The following THEMIS variants were observed in gnomAD, a reference collection of about 807,000 sequenced individuals.
THEMIS encodes thymocyte selection associated.
A neutral mutation model predicts 52.6 loss-of-function variants in THEMIS; 37 were observed. The observed-to-expected ratio is 0.70, with a 90% CI of 0.54 to 0.93. THEMIS has a LOEUF of 0.93. Ranked by LOEUF, THEMIS falls within the 40% of genes least tolerant of loss-of-function variation. The pLI, the probability that THEMIS is intolerant of heterozygous loss-of-function variation, is 0.00. For missense variants in THEMIS, 808 were observed against 763.1 expected (o/e 1.06, Z -0.69); for synonymous variants, 292 against 272.7 (o/e 1.07, Z -0.70).
intron 1 of THEMIS, among the ~76,000 whole-genome samples, chr6:127,907,996 C>T (rs1223530354): frequency 6.6e-6 from 1 of 151,964 alleles, no homozygotes; most frequent in Admixed American, 6.6e-5. Flanking sequence ...CTACTATACA[C>T]AACAATTTGT....
chr6:127,713,016 C>A (rs1260255802), intron 5 of THEMIS, among the ~76,000 whole-genome samples: 1 of 151,856 alleles, frequency 6.6e-6, no homozygotes, highest in African/African-American at 2.4e-5. Flanking sequence ...TGCCAGTCCC[C>A]TGAAATTGCT....
At chr6:127,777,759 A>G (rs1266940127) in intron 4 of THEMIS, among the ~76,000 whole-genome samples, 5 of 152,144 alleles carry the variant, frequency 3.3e-5, no homozygotes, top group Non-Finnish European at 7.4e-5. Flanking sequence ...TGATAAAAAG[A>G]GTGGTTATTT....
At chr6:127,752,618 C>T (rs1214055491) in intron 4 of THEMIS, among the ~76,000 whole-genome samples, 2 of 150,996 alleles carry the variant, frequency 1.3e-5, no homozygotes, top group African/African-American at 4.9e-5. Flanking sequence ...CTACCAAGAC[C>T]CAATCATGAA....
intron 4 of THEMIS, among the ~76,000 whole-genome samples, chr6:127,794,409 A>G (rs1777258757): frequency 6.6e-6 from 1 of 152,226 alleles, no homozygotes. Context: ...TCAAGGACCT[A>G]CACAATCTGC....
chr6:127,819,687 T>G (rs1039927684), intron 3 of THEMIS, among the ~76,000 whole-genome samples: 1 of 152,132 alleles, frequency 6.6e-6, no homozygotes, highest in East Asian at 1.9e-4. Context: ...TCCAGTGAAA[T>G]CATCCTTCAA....
intron 3 of THEMIS, among the ~76,000 whole-genome samples, chr6:127,825,791 T>G (rs1208331620): frequency 5.3e-5 from 8 of 151,770 alleles, no homozygotes; most frequent in African/African-American, 1.9e-4. Flanking sequence ...ATAGTTTGGG[T>G]TCTTTGAAAA....
intron 4 of THEMIS, among the ~76,000 whole-genome samples, chr6:127,780,574 C>G (rs1776709388): frequency 6.6e-6 from 1 of 152,122 alleles, no homozygotes; most frequent in African/African-American, 2.4e-5. Flanking sequence ...TTCAGGAATT[C>G]TTGTAAGGCA....
chr6:127,786,697 G>A (rs961374387), intron 4 of THEMIS, among the ~76,000 whole-genome samples: 1 of 152,122 alleles, frequency 6.6e-6, no homozygotes. Context: ...GGCAGGCTAA[G>A]GACTTCTGAA....
intron 4 of THEMIS, among the ~76,000 whole-genome samples, chr6:127,729,826 C>T (rs576395161): frequency 2.6e-5 from 4 of 152,118 alleles, no homozygotes; most frequent in African/African-American, 9.7e-5. Flanking sequence ...AAATGAAATG[C>T]CACAAAGGTA....
chr6:127,862,428 A>ATTTTT lies in THEMIS; in HGVS notation c.92-7245_92-7241dup, dbSNP rs71028110. On this transcript the variant is annotated intron_variant, in intron 1 of 5. Coordinates refer to ENST00000368248, the MANE Select transcript of THEMIS (RefSeq NM_001010923.3). Reference sequence around the variant, plus strand: ...GCAGGTGAAATCTCCTAGGGAGTAAATTTTTTTTTTTTTTTTTTTTTTGCT... The same window carrying ATTTTT: ...GCAGGTGAAATCTCCTAGGGAGTAAATTTTTTTTTTTTTTTTTTTTTTTTTTTGCT... Among the ~76,000 whole-genome samples, 97 of 72,778 alleles carry ATTTTT rather than the reference A, an allele frequency of 1.3e-3. 6 individuals carry two copies. Among genetic ancestry groups the ATTTTT allele is most frequent in the African/African-American group, 3.9e-3 (83 of 21,066 alleles). 47.7% of individuals were successfully genotyped at this position (72,778 alleles called of 152,430 possible). A position where few individuals can be genotyped will look rare whatever the true frequency, so the allele number is the denominator to read the frequency against.
chr6:127,774,995 G>T (rs1390499385), intron 4 of THEMIS, among the ~76,000 whole-genome samples: 2 of 152,094 alleles, frequency 1.3e-5, no homozygotes, highest in African/African-American at 2.4e-5. Context: ...TTAAAAAGAG[G>T]CAGGACAATG....
chr6:127,822,241 T>C (rs751144303), intron 3 of THEMIS, among the ~76,000 whole-genome samples: 9 of 152,086 alleles, frequency 5.9e-5, no homozygotes, highest in Non-Finnish European at 1.2e-4. Flanking sequence ...TGTTCCAGAC[T>C]TTTAAATTAA....
chr6:127,707,533 C>G (rs1773828886), downstream of THEMIS, among the ~76,000 whole-genome samples: 1 of 152,088 alleles, frequency 6.6e-6, no homozygotes, highest in African/African-American at 2.4e-5. Context: ...ACAGAGATGA[C>G]TGAAGTTTGG....
At chr6:127,841,109 A>T (rs1340324959) in intron 2 of THEMIS, among the ~76,000 whole-genome samples, 2 of 152,052 alleles carry the variant, frequency 1.3e-5, no homozygotes, top group African/African-American at 4.8e-5. Context: ...TTGAGTGAAG[A>T]TGATGTGTCA....
intron 2 of THEMIS, among the ~76,000 whole-genome samples, chr6:127,854,518 T>C (rs936399263): frequency 4.0e-5 from 6 of 151,798 alleles, no homozygotes; most frequent in Non-Finnish European, 7.4e-5. Context: ...AGCAAAAGTC[T>C]TCTAGATGGC....
chr6:127,791,099 G>T (rs146866267), intron 4 of THEMIS, among the ~76,000 whole-genome samples: 2 of 152,214 alleles, frequency 1.3e-5, no homozygotes, highest in Non-Finnish European at 2.9e-5. Flanking sequence ...TTTCAGCCCT[G>T]TTTGTGTTAC....
intron 4 of THEMIS, among the ~76,000 whole-genome samples, chr6:127,727,008 T>C (rs1038643268): frequency 9.2e-5 from 14 of 152,298 alleles, no homozygotes; most frequent in African/African-American, 3.4e-4. Context: ...CTCTCAAAGA[T>C]GTCAGCCTTG....
chr6:127,781,661 G>C (rs1299705458), intron 4 of THEMIS, among the ~76,000 whole-genome samples: 1 of 152,120 alleles, frequency 6.6e-6, no homozygotes, highest in Non-Finnish European at 1.5e-5. Context: ...CTCTGCTGCA[G>C]GTCTGCTGGA....
At chr6:127,881,787 G>C (rs1780491979) in intron 1 of THEMIS, among the ~76,000 whole-genome samples, 1 of 151,720 alleles carries the variant, frequency 6.6e-6, no homozygotes, top group African/African-American at 2.4e-5. Context: ...AAATTTTAGG[G>C]AGAAATGTGT....
Sources: gnomAD v4.1 joint callset for allele counts (sites outside exome capture counted in the v4.1 genomes callset) on GRCh38, gnomAD v4.1.1 for gene constraint, MANE v1.5 for transcripts, NCBI Gene and HGNC (gene_info 2026-07-23, HGNC 2026-07-21) for gene names.